Variants in CAMKMT observed in about 807,000 individuals in gnomAD.
The protein encoded by CAMKMT is calmodulin-lysine N-methyltransferase.
In CAMKMT, 53 loss-of-function variants were observed where a neutral mutation model predicts 48.0. The observed-to-expected ratio is 1.10, with a 90% CI of 0.89 to 1.39. The LOEUF (loss-of-function observed/expected upper bound fraction) is 1.39. Ranked by LOEUF, CAMKMT falls within the 40% of genes most tolerant of loss-of-function variation. The pLI, the probability that CAMKMT is intolerant of heterozygous loss-of-function variation, is 0.00. For missense variants in CAMKMT, 428 were observed against 402.7 expected, an observed-to-expected ratio of 1.06 and a Z score of -0.54; for synonymous variants, 165 against 152.3, an observed-to-expected ratio of 1.08 and a Z score of -0.61.
At chr2:44,463,269 A>G (rs1667939925) in intron 3 of CAMKMT, among the ~76,000 whole-genome samples, 1 of 152,234 alleles carries the variant, frequency 6.6e-6, no homozygotes, top group African/African-American at 2.4e-5. Context: ...ACACTGACTT[A>G]ACAATATATG....
intron 6 of CAMKMT, among the ~76,000 whole-genome samples, chr2:44,713,386 G>A (rs1677990268): frequency 6.6e-6 from 1 of 152,108 alleles, no homozygotes; most frequent in African/African-American, 2.4e-5. Context: ...GCCAGAGTGT[G>A]GGGGAACTTA....
Position 44,510,796 on chromosome 2 carries a change from C to G in CAMKMT, c.376+120491C>G, listed in dbSNP as rs1413110303. On this transcript the variant is annotated intron_variant, in intron 3 of 10. Coordinates refer to ENST00000378494, the MANE Select transcript of CAMKMT (RefSeq NM_024766.5). Reference sequence around the variant, plus strand: ...GTACCCAGTATGTAGTCTTTTATCCCTCACCTCCCTGTCAACCTTCCTCCT... The same window carrying G: ...GTACCCAGTATGTAGTCTTTTATCCGTCACCTCCCTGTCAACCTTCCTCCT... Among the ~76,000 whole-genome samples the G allele has an allele frequency of 5.3e-5, 8 of 152,128 alleles. No individual in the cohort carries two copies. In the East Asian group the frequency reaches 1.2e-3, roughly 22 times the overall value.
chr2:44,600,218 C>T (rs1670902387), intron 3 of CAMKMT, among the ~76,000 whole-genome samples: 1 of 151,962 alleles, frequency 6.6e-6, no homozygotes, highest in Admixed American at 6.6e-5. Context: ...TTCTCCTCAG[C>T]TTCACCATTC....
chr2:44,522,076 T>C (rs2104799854), intron 3 of CAMKMT, among the ~76,000 whole-genome samples: 1 of 151,846 alleles, frequency 6.6e-6, no homozygotes, highest in South Asian at 2.1e-4. Flanking sequence ...CAATCTCAGC[T>C]CACTGCAGCC....
intron 3 of CAMKMT, among the ~76,000 whole-genome samples, chr2:44,638,052 C>A (rs1269481109): frequency 2.4e-5 from 2 of 84,622 alleles, no homozygotes; most frequent in Non-Finnish European, 2.8e-5. Flanking sequence ...GAGACTCCAT[C>A]TCAAACCAAA....
intron 3 of CAMKMT, among the ~76,000 whole-genome samples, chr2:44,559,847 C>T (rs765951479): frequency 2.0e-5 from 3 of 152,176 alleles, no homozygotes; most frequent in Non-Finnish European, 2.9e-5. Flanking sequence ...CCAATTTGTA[C>T]ATGGGACCTA....
intron 3 of CAMKMT, among the ~76,000 whole-genome samples, chr2:44,484,668 A>G (rs112909801): frequency 0.012 from 1,786 of 143,398 alleles, 37 homozygotes; most frequent in African/African-American, 0.045. Context: ...ACCCTGAGTT[A>G]GGTAAGGATA....
At chr2:44,494,542 G>A (rs1467378794) in intron 3 of CAMKMT, among the ~76,000 whole-genome samples, 2 of 152,074 alleles carry the variant, frequency 1.3e-5, no homozygotes, top group Non-Finnish European at 1.5e-5. Flanking sequence ...TAAAACACTA[G>A]GACATAAAAA....
At chr2:44,758,567 A>G (rs1680477624) in intron 9 of CAMKMT, among the ~76,000 whole-genome samples, 1 of 152,244 alleles carries the variant, frequency 6.6e-6, no homozygotes, top group Admixed American at 6.5e-5. Context: ...ACTCTCCAGC[A>G]AACTTAATAG....
intron 3 of CAMKMT, among the ~76,000 whole-genome samples, chr2:44,402,308 G>GCTGTCTA (rs376947814): frequency 7.2e-6 from 1 of 139,750 alleles, no homozygotes; most frequent in South Asian, 2.3e-4. Context: ...CAGCTTGGGT[G>GCTGTCTA]ACACAGCAAG....
At chr2:44,598,520 A>G (rs190242322) in intron 3 of CAMKMT, among the ~76,000 whole-genome samples, 4 of 151,606 alleles carry the variant, frequency 2.6e-5, no homozygotes, top group Admixed American at 1.3e-4. Context: ...GTCCTCTTCA[A>G]TGAGTCACTA....
intron 3 of CAMKMT, among the ~76,000 whole-genome samples, chr2:44,598,682 A>C (rs1376557101): frequency 2.7e-5 from 4 of 149,376 alleles, no homozygotes; most frequent in Non-Finnish European, 5.9e-5. Context: ...AATTTGCAGC[A>C]AGCTTAGGAC....
At chr2:44,545,466 C>G (rs747881090) in intron 3 of CAMKMT, among the ~76,000 whole-genome samples, 1 of 152,128 alleles carries the variant, frequency 6.6e-6, no homozygotes, top group African/African-American at 2.4e-5. Context: ...TGCTCTTCCT[C>G]GTGGAACTTA....
In CAMKMT at chr2:44,429,316, A is replaced by C. The variant is rs190707120; in HGVS notation, c.376+39011A>C. Among the ~76,000 whole-genome samples, 160 of 151,252 alleles carry C rather than the reference A, an allele frequency of 1.1e-3. 1 individual carries two copies. Among genetic ancestry groups the C allele is most frequent in the African/African-American group, 3.7e-3 (152 of 41,062 alleles). ...GTGTGTGTGTGTGTGTGTATGTCTT[A>C]TGGATGGTGAATTATACTGTTAATT... On this transcript the variant is annotated intron_variant, in intron 3 of 10. Transcript: ENST00000378494.
At chr2:44,374,658 C>T (rs970378823) in intron 2 of CAMKMT, among the ~76,000 whole-genome samples, 4 of 152,202 alleles carry the variant, frequency 2.6e-5, no homozygotes, top group African/African-American at 9.6e-5. Context: ...GTAGTACTAT[C>T]CAGAGCCCAA....
At chr2:44,508,645 G>A (rs1003598602) in intron 3 of CAMKMT, among the ~76,000 whole-genome samples, 2 of 152,076 alleles carry the variant, frequency 1.3e-5, no homozygotes, top group Non-Finnish European at 2.9e-5. Flanking sequence ...AGGAAAGTTT[G>A]GCCTGGATAG....
intron 3 of CAMKMT, among the ~76,000 whole-genome samples, chr2:44,570,089 G>T (rs769907491): frequency 1.3e-5 from 2 of 151,950 alleles, no homozygotes; most frequent in Non-Finnish European, 2.9e-5. Context: ...ATAAAGCCAG[G>T]ATAAATGTAT....
intron 3 of CAMKMT, among the ~76,000 whole-genome samples, chr2:44,604,979 A>G (rs1318618907): frequency 6.6e-6 from 1 of 152,154 alleles, no homozygotes; most frequent in Non-Finnish European, 1.5e-5. Flanking sequence ...TTCCAAATGG[A>G]GTGCCATCAG....
intron 3 of CAMKMT, among the ~76,000 whole-genome samples, chr2:44,489,705 C>G (rs889880542): frequency 1.3e-5 from 2 of 151,962 alleles, no homozygotes; most frequent in Non-Finnish European, 2.9e-5. Flanking sequence ...GCTTTGAAAA[C>G]TTTAACAGAA....
Sources: allele counts gnomAD v4.1 joint callset (sites outside exome capture counted in the v4.1 genomes callset), GRCh38; gene constraint gnomAD v4.1.1; transcripts MANE v1.5; gene names NCBI Gene and HGNC (gene_info 2026-07-23, HGNC 2026-07-21).